CDH13: variants seen among roughly 807,000 people sequenced by gnomAD.
CDH13 encodes the protein cadherin 13.
In CDH13, 24 loss-of-function variants were observed where a neutral mutation model predicts 63.8. The observed-to-expected ratio is 0.38, with a 90% confidence interval of 0.27 to 0.53. The LOEUF (loss-of-function observed/expected upper bound fraction) is 0.53, where lower values mean the gene tolerates loss of function less well. Among genes scored for constraint, CDH13 ranks in the 20% least tolerant of loss-of-function variants. The probability of loss-of-function intolerance (pLI) is 0.85; values close to 1 mark genes in which losing one functional copy is unlikely to be tolerated. For synonymous variants in CDH13, 503 were observed against 355.3 expected (o/e 1.42, Z -4.67); for missense variants, 1,049 against 903.1 (o/e 1.16, Z -2.07).
intron 10 of CDH13, among the ~76,000 whole-genome samples, chr16:83,703,138 G>T (rs1335001489): frequency 1.3e-5 from 2 of 152,208 alleles, no homozygotes; most frequent in East Asian, 1.9e-4. Context: ...ATATTGTATT[G>T]AGTAGTGCTT....
intron 10 of CDH13, among the ~76,000 whole-genome samples, chr16:83,702,262 G>A (rs1468742938): frequency 1.3e-5 from 2 of 152,104 alleles, no homozygotes; most frequent in African/African-American, 2.4e-5. Context: ...GTGCTAGTTA[G>A]GATAAGTAAT....
At chr16:83,525,474 C>T (rs777582442) in intron 7 of CDH13, among the ~76,000 whole-genome samples, 1 of 152,232 alleles carries the variant, frequency 6.6e-6, no homozygotes, top group Non-Finnish European at 1.5e-5. Flanking sequence ...CTATGTTATA[C>T]TGACTTGGTT....
intron 1 of CDH13, among the ~76,000 whole-genome samples, chr16:82,848,708 T>C (rs566357883): frequency 2.0e-5 from 3 of 152,302 alleles, no homozygotes; most frequent in East Asian, 1.9e-4. Context: ...AAACATCCTA[T>C]TTCCTGAAAC....
At chr16:82,816,710 A>G (rs1421647953) in intron 1 of CDH13, among the ~76,000 whole-genome samples, 1 of 150,590 alleles carries the variant, frequency 6.6e-6, no homozygotes, top group Non-Finnish European at 1.5e-5. Context: ...GAAGATGTGA[A>G]AAATTGCATT....
chr16:82,656,860 C>A (rs902552907), intron 1 of CDH13, among the ~76,000 whole-genome samples: 6 of 151,156 alleles, frequency 4.0e-5, no homozygotes, highest in Admixed American at 6.6e-5. Flanking sequence ...AAATTAGCTT[C>A]CTTCACTTGG....
chr16:83,789,337 C>CTTTTTTTTTTTTTTTTTT, intron 13 of CDH13, among the ~76,000 whole-genome samples: 1 of 132,288 alleles, frequency 7.6e-6, no homozygotes, highest in Non-Finnish European at 1.6e-5. Context: ...TAGTAGCTTT[C>CTTTTTTTTTTTTTTTTTT]TTTTTTTTTG....
chr16:83,199,628 A>C (rs909159383), intron 4 of CDH13, among the ~76,000 whole-genome samples: 2 of 152,112 alleles, frequency 1.3e-5, no homozygotes, highest in Non-Finnish European at 2.9e-5. Flanking sequence ...AACATTTTAA[A>C]CCCTTTTAAT....
chr16:83,301,900 G>A (rs988923057), intron 5 of CDH13, among the ~76,000 whole-genome samples: 13 of 151,314 alleles, frequency 8.6e-5, no homozygotes, highest in African/African-American at 2.7e-4. Flanking sequence ...TTGTTTTCTG[G>A]CAGATACTTA....
chr16:82,649,763 A>G (rs1181617236), intron 1 of CDH13, among the ~76,000 whole-genome samples: 3 of 152,250 alleles, frequency 2.0e-5, no homozygotes, highest in African/African-American at 7.2e-5. Flanking sequence ...CTGGTTAAGA[A>G]CAAGGACACC....
chr16:82,755,419 A>T (rs1322759134), intron 1 of CDH13, among the ~76,000 whole-genome samples: 1 of 152,264 alleles, frequency 6.6e-6, no homozygotes, highest in Non-Finnish European at 1.5e-5. Context: ...AAGGGAGTGC[A>T]CAGGAGGATG....
intron 1 of CDH13, among the ~76,000 whole-genome samples, chr16:82,652,417 T>C (rs1052213889): frequency 6.6e-6 from 1 of 152,236 alleles, no homozygotes; most frequent in Non-Finnish European, 1.5e-5. Context: ...TCTTCTATCC[T>C]GATTGATTGC....
chr16:83,618,588 A>T (rs1909511519), intron 8 of CDH13, among the ~76,000 whole-genome samples: 1 of 152,168 alleles, frequency 6.6e-6, no homozygotes, highest in South Asian at 2.1e-4. Flanking sequence ...CTGCACTAAC[A>T]TAGCAAGTCA....
intron 1 of CDH13, among the ~76,000 whole-genome samples, chr16:82,744,141 C>G (rs146594239): frequency 2.0e-5 from 3 of 152,292 alleles, no homozygotes; most frequent in South Asian, 4.2e-4. Flanking sequence ...ATTTCCACCC[C>G]CTAGTTCAGT....
At chr16:83,762,041 G>A (rs1914016648) in intron 11 of CDH13, among the ~76,000 whole-genome samples, 1 of 152,134 alleles carries the variant, frequency 6.6e-6, no homozygotes, top group African/African-American at 2.4e-5. Flanking sequence ...CAGCCTGGGT[G>A]ACAGAGCGAG....
chr16:83,438,074 C>A (rs1333439215), intron 6 of CDH13, among the ~76,000 whole-genome samples: 1 of 152,176 alleles, frequency 6.6e-6, no homozygotes, highest in Non-Finnish European at 1.5e-5. Context: ...AAAGCACACA[C>A]CTGATGATGC....
intron 5 of CDH13, among the ~76,000 whole-genome samples, chr16:83,335,662 T>C (rs1217322288): frequency 2.0e-5 from 3 of 152,170 alleles, no homozygotes; most frequent in African/African-American, 7.2e-5. Flanking sequence ...AGTTAAAGAT[T>C]GACCCCTGAC....
chr16:83,456,295 G>A (rs1269238046), intron 6 of CDH13, among the ~76,000 whole-genome samples: 1 of 152,316 alleles, frequency 6.6e-6, no homozygotes, highest in South Asian at 2.1e-4. Context: ...AATGGACCAG[G>A]GCCAACGACC....
chr16:83,451,362 C>T (rs746990489), intron 6 of CDH13, among the ~76,000 whole-genome samples: 1 of 152,150 alleles, frequency 6.6e-6, no homozygotes, highest in Non-Finnish European at 1.5e-5. Context: ...TCTCATGAGA[C>T]TTATTCCCTA....
At chr16:83,753,952 T>C (rs28693413) in intron 11 of CDH13, among the ~76,000 whole-genome samples, 67,935 of 150,750 alleles carry the variant, frequency 0.45, 16,583 homozygotes, top group African/African-American at 0.67. Flanking sequence ...AAAGAAAACC[T>C]TTTTTTTTCT....
Sources: gnomAD v4.1 joint callset for allele counts (sites outside exome capture counted in the v4.1 genomes callset) on GRCh38, gnomAD v4.1.1 for gene constraint, MANE v1.5 for transcripts, NCBI Gene and HGNC (gene_info 2026-07-23, HGNC 2026-07-21) for gene names.